Variants in DNAJC3 observed in about 807,000 individuals in gnomAD.
The protein encoded by DNAJC3 is DnaJ heat shock protein family (Hsp40) member C3.
Under a neutral mutation model 68.6 loss-of-function variants are expected in DNAJC3, and 38 were observed. The ratio of observed to expected loss-of-function variants is 0.55; its 90% CI spans 0.43 to 0.73. DNAJC3 has a LOEUF of 0.73. Ranked by LOEUF, DNAJC3 falls within the 30% of genes least tolerant of loss-of-function variation. The pLI, the probability that DNAJC3 is intolerant of heterozygous loss-of-function variation, is 0.00. For synonymous variants in DNAJC3, 203 were observed against 204.0 expected, an observed-to-expected ratio of 1.00 and a Z score of 0.04; for missense variants, 526 against 591.9, an observed-to-expected ratio of 0.89 and a Z score of 1.16.
intron 1 of DNAJC3, among the ~76,000 whole-genome samples, chr13:95,690,632 C>T (rs1880208286): frequency 6.7e-6 from 1 of 149,016 alleles, no homozygotes; most frequent in Admixed American, 6.6e-5. Context: ...CCCCACCTCC[C>T]TCCCGGACGG....
intron 1 of DNAJC3, 98 bp from the exon 2 acceptor site, chr13:95,709,129 A>T (rs907190460): frequency 2.7e-5 from 22 of 812,364 alleles, no homozygotes; most frequent in South Asian, 2.0e-4. Flanking sequence ...TCATCTGAGT[A>T]GATGACTGAG....
At chr13:95,749,934 C>T (rs1394484842) in intron 4 of DNAJC3, among the ~76,000 whole-genome samples, 1 of 152,126 alleles carries the variant, frequency 6.6e-6, no homozygotes, top group African/African-American at 2.4e-5. Context: ...CCTGTAGTCC[C>T]AGCTACTCGG....
chr13:95,725,503 A>G (rs1566485462), intron 4 of DNAJC3, among the ~76,000 whole-genome samples: 1 of 152,138 alleles, frequency 6.6e-6, no homozygotes, highest in Non-Finnish European at 1.5e-5. Flanking sequence ...ATCTTAACTC[A>G]GTTTATACAG....
chr13:95,695,985 G>T (rs891697851), intron 1 of DNAJC3, among the ~76,000 whole-genome samples: 6 of 152,162 alleles, frequency 3.9e-5, no homozygotes, highest in Non-Finnish European at 8.8e-5. Context: ...CCCCATGAAT[G>T]ATATATGTGC....
intron 2 of DNAJC3, among the ~76,000 whole-genome samples, chr13:95,719,118 C>T (rs1048995824): frequency 1.3e-5 from 2 of 152,166 alleles, no homozygotes; most frequent in Non-Finnish European, 2.9e-5. Flanking sequence ...GAAACACTTA[C>T]GTTTACTGGT....
rs1277855932 is a variant in DNAJC3 at position 95,791,181 on chromosome 13, T to TGTCA, written c.*153_*156dup. On this transcript the variant is annotated 3_prime_UTR_variant, in exon 12 of 12. Coordinates refer to ENST00000602402, the MANE Select transcript of DNAJC3 (RefSeq NM_006260.5). ...ATAGGAAAAAATCTGTTCTTATCCC[T>TGTCA]GTCAGATTTATGGTTAATGGGTTTG... 3 of 889,582 alleles carry TGTCA rather than the reference T, an allele frequency of 3.4e-6. No homozygotes were observed. The highest frequency in any genetic ancestry group is 5.1e-6 in the Non-Finnish European group (3 of 591,602). 55.1% of individuals were successfully genotyped at this position (889,582 alleles called of 1,614,324 possible). A position where few individuals can be genotyped will look rare whatever the true frequency, so the allele number is the denominator to read the frequency against.
At chr13:95,711,487 G>T (rs558517868) in intron 2 of DNAJC3, among the ~76,000 whole-genome samples, 3 of 149,842 alleles carry the variant, frequency 2.0e-5, no homozygotes, top group Non-Finnish European at 2.9e-5. Context: ...GGCAGAGTGA[G>T]ACTCCATCTC....
chr13:95,704,851 G>GTTTTTTTTTGTTTTTTTTT (rs1880681419), intron 1 of DNAJC3, among the ~76,000 whole-genome samples: 1 of 97,850 alleles, frequency 1.0e-5, no homozygotes, highest in Admixed American at 1.0e-4. Context: ...GTGTGTGTGT[G>GTTTTTTTTTGTTTTTTTTT]TTTTTTTTTT....
rs202238470 is a variant in DNAJC3, at chr13:95,757,800, A to T, written c.546+4A>T. 6.5e-7 allele frequency: 1 copy of T among 1,533,912 alleles called. No individual in the cohort carries two copies. The highest frequency in any genetic ancestry group is 8.9e-7 in the Non-Finnish European group (1 of 1,122,738). ...CTTCCTTGATAAGATTTTAGAGGTA[A>T]GTTTCTTAGATACTGCAGTTGACCA... On this transcript the variant is annotated splice_donor_region_variant and intron_variant, in intron 5 of 11. Transcript: ENST00000602402.
chr13:95,705,242 G>A (rs1482582286), intron 1 of DNAJC3, among the ~76,000 whole-genome samples: 3 of 152,138 alleles, frequency 2.0e-5, no homozygotes, highest in Non-Finnish European at 4.4e-5. Context: ...TAGATATGAT[G>A]GAGAAGGAGG....
At chr13:95,732,983 A>G (rs1000958832) in intron 4 of DNAJC3, among the ~76,000 whole-genome samples, 16 of 152,072 alleles carry the variant, frequency 1.1e-4, no homozygotes, top group African/African-American at 3.4e-4. Flanking sequence ...TTTTATTCCA[A>G]TGTGGTCTGA....
At chr13:95,769,303 G>C (rs1214074690) in intron 9 of DNAJC3, among the ~76,000 whole-genome samples, 6 of 152,208 alleles carry the variant, frequency 3.9e-5, no homozygotes, top group Admixed American at 3.3e-4. Flanking sequence ...CCCTCTAGCA[G>C]ATCAGATTTC....
At chr13:95,702,864 A>G (rs1880620801) in intron 1 of DNAJC3, among the ~76,000 whole-genome samples, 1 of 152,234 alleles carries the variant, frequency 6.6e-6, no homozygotes, top group African/African-American at 2.4e-5. Flanking sequence ...TCCTGGTTCC[A>G]TCAGTCACGT....
chr13:95,780,762 G>C (rs997240347), intron 9 of DNAJC3, among the ~76,000 whole-genome samples: 4 of 152,202 alleles, frequency 2.6e-5, no homozygotes, highest in African/African-American at 7.2e-5. Flanking sequence ...TTTGCATTGA[G>C]AGTAGACTTT....
chr13:95,692,242 A>G (rs1880292866), intron 1 of DNAJC3, among the ~76,000 whole-genome samples: 1 of 152,144 alleles, frequency 6.6e-6, no homozygotes, highest in Admixed American at 6.5e-5. Context: ...AAAAATGTAT[A>G]TTTTGTGGTT....
At position 95,790,854 on chromosome 13, in the gene DNAJC3, T is replaced by C; in HGVS notation, c.1358-19T>C. 4.4e-6 allele frequency: 7 copies of C among 1,587,096 alleles called. No individual in the cohort carries two copies. Among genetic ancestry groups the C allele is most frequent in the Non-Finnish European group, 6.0e-6 (7 of 1,165,912 alleles). On this transcript the variant is annotated intron_variant, in intron 11 of 11. Transcript: ENST00000602402. ...ACCTTAGATATTATCTGGTTCTTAA[T>C]TTTCTGATTTCTTTCTAGAAATGAG...
At chr13:95,690,904 G>T (rs1404560394) in intron 1 of DNAJC3, among the ~76,000 whole-genome samples, 2 of 137,914 alleles carry the variant, frequency 1.5e-5, no homozygotes, top group Non-Finnish European at 3.1e-5. Flanking sequence ...CGGGGCGGCT[G>T]GCCGGGCGGG....
At chr13:95,737,738 G>A (rs1320586174) in intron 4 of DNAJC3, among the ~76,000 whole-genome samples, 27 of 148,804 alleles carry the variant, frequency 1.8e-4, no homozygotes, top group African/African-American at 6.5e-4. Context: ...TCTTGCTAGT[G>A]GTCTATCAAT....
intron 1 of DNAJC3, among the ~76,000 whole-genome samples, chr13:95,680,249 TCTTC>T (rs1374669811): frequency 2.0e-5 from 3 of 152,362 alleles, no homozygotes; most frequent in Non-Finnish European, 4.4e-5. Context: ...TATCTCTTTT[TCTTC>T]CTTAACATGC....
Sources: allele counts gnomAD v4.1 joint callset (sites outside exome capture counted in the v4.1 genomes callset), GRCh38; gene constraint gnomAD v4.1.1; transcripts MANE v1.5; gene names NCBI Gene and HGNC (gene_info 2026-07-23, HGNC 2026-07-21).